Variants in SHROOM3 observed in about 807,000 individuals in gnomAD.
SHROOM3 encodes the protein protein Shroom3.
Under a neutral mutation model 138.6 loss-of-function variants are expected in SHROOM3, and 47 were observed. The observed-to-expected ratio is 0.34, with a 90% CI of 0.27 to 0.43. SHROOM3 has a LOEUF of 0.43. Among genes scored for constraint, SHROOM3 ranks in the 20% least tolerant of loss-of-function variants. The pLI, the probability that SHROOM3 is intolerant of heterozygous loss-of-function variation, is 1.00. For synonymous variants in SHROOM3, 1,062 were observed against 1,063.3 expected (o/e 1.00, Z 0.02); for missense variants, 2,491 against 2,596.5 (o/e 0.96, Z 0.88).
chr4:76,631,867 T>C lies in SHROOM3; in HGVS notation c.323+76104T>C, dbSNP rs113300123. Among the ~76,000 whole-genome samples the C allele has an allele frequency of 4.3e-3, 659 of 152,322 alleles. 4 individuals are homozygous for C. Among genetic ancestry groups the C allele is most frequent in the African/African-American group, 0.015 (626 of 41,572 alleles). On this transcript the variant is annotated intron_variant, in intron 2 of 10. Coordinates refer to ENST00000296043, the MANE Select transcript of SHROOM3 (RefSeq NM_020859.4). ...GAGAGGGAGACCAGTTATGAAATTA[T>C]TACACCAATCTAAGGAGATGGTGGT...
chr4:76,583,919 C>T (rs1215805081), intron 2 of SHROOM3, among the ~76,000 whole-genome samples: 1 of 152,130 alleles, frequency 6.6e-6, no homozygotes, highest in Non-Finnish European at 1.5e-5. Context: ...AAAAGGCATC[C>T]ATTCTTTGTA....
intron 2 of SHROOM3, among the ~76,000 whole-genome samples, chr4:76,583,524 G>A (rs930962685): frequency 3.9e-5 from 6 of 152,140 alleles, no homozygotes; most frequent in East Asian, 1.9e-4. Flanking sequence ...GAAAACTGAC[G>A]CTTGGAAAAG....
intron 2 of SHROOM3, among the ~76,000 whole-genome samples, chr4:76,601,590 C>G (rs548810102): frequency 6.6e-6 from 1 of 152,134 alleles, no homozygotes; most frequent in Non-Finnish European, 1.5e-5. Flanking sequence ...CTGCAACCTC[C>G]GCCTCCCAGG....
chr4:76,741,059 C>T lies in SHROOM3; in HGVS notation c.2886C>T (p.Ser962=), dbSNP rs1721234323. Residue 962 remains serine (S), a synonymous_variant, in exon 5 of 11, where the codon TCC becomes TCT. Transcript: ENST00000296043. This position sits in a 1 kb window ranked among gnomAD's most constrained non-coding sequence, Gnocchi z 6.2. ...CGAGGTCCTGGCGGCCACGGCCTTC[C>T]TCGGCCCACGTGGGGCTGCGGAGCC... The part of the protein sequence containing the change: ...VASRSWRPRP[S]SAHVGLRSPE... The T allele has an allele frequency of 2.7e-6, 4 of 1,506,460 alleles. No homozygotes were observed. Among genetic ancestry groups the T allele is most frequent in the Non-Finnish European group, 3.5e-6 (4 of 1,131,524 alleles). 93.3% of individuals were successfully genotyped at this position (1,506,460 alleles called of 1,614,324 possible).
intron 1 of SHROOM3, among the ~76,000 whole-genome samples, chr4:76,542,028 A>G (rs780073628): frequency 2.1e-5 from 2 of 93,044 alleles, no homozygotes; most frequent in Non-Finnish European, 4.3e-5. Context: ...ACCTCCCCCT[A>G]CAAACAATTG....
intron 2 of SHROOM3, among the ~76,000 whole-genome samples, chr4:76,691,953 G>T (rs1236241276): frequency 6.6e-6 from 1 of 152,150 alleles, no homozygotes; most frequent in African/African-American, 2.4e-5. Context: ...AGGATTTCAT[G>T]GGTTGCCGCT....
At chr4:76,499,112 T>G (rs1295130158) in intron 1 of SHROOM3, among the ~76,000 whole-genome samples, 1 of 152,160 alleles carries the variant, frequency 6.6e-6, no homozygotes, top group African/African-American at 2.4e-5. Context: ...ATGAAGAAAG[T>G]AACTAAAACT....
At chr4:76,690,642 A>G (rs1054264344) in intron 2 of SHROOM3, among the ~76,000 whole-genome samples, 1 of 152,228 alleles carries the variant, frequency 6.6e-6, no homozygotes, top group Admixed American at 6.5e-5. Context: ...CTTTCCCCCA[A>G]AAAATTTCAC....
At chr4:76,652,987 C>T (rs1052550272) in intron 2 of SHROOM3, among the ~76,000 whole-genome samples, 1 of 151,952 alleles carries the variant, frequency 6.6e-6, no homozygotes, top group African/African-American at 2.4e-5. Flanking sequence ...GAGGAGAGGG[C>T]CATGCATCAT....
chr4:76,651,867 T>C (rs1560580571), intron 2 of SHROOM3, among the ~76,000 whole-genome samples: 1 of 152,176 alleles, frequency 6.6e-6, no homozygotes, highest in Admixed American at 6.5e-5. Context: ...AATCGGGGTA[T>C]TGGCAAAGGA....
intron 2 of SHROOM3, among the ~76,000 whole-genome samples, chr4:76,630,011 T>A (rs189930324): frequency 2.0e-5 from 3 of 152,158 alleles, no homozygotes; most frequent in African/African-American, 7.2e-5. Flanking sequence ...TTGCAGCCAA[T>A]GACACAGGAC....
At position 76,754,953 on chromosome 4, in the gene SHROOM3, T is replaced by A. The variant is rs1463842832; in HGVS notation, c.4470T>A (p.Ser1490=). The A allele has an allele frequency of 6.2e-7, 1 of 1,614,060 alleles. No homozygotes were observed. Among genetic ancestry groups the A allele is most frequent in the Non-Finnish European group, 8.5e-7 (1 of 1,180,026 alleles). Residue 1490 remains serine (S), a synonymous_variant, in exon 7 of 11, where the codon TCT becomes TCA. Transcript: ENST00000296043. ...STPGRISLRI[S]ESVLRDSPPP... ...CAGGGAGGATCTCCCTCCGAATATC[T>A]GAGTCTGTCCTGCGGGACTCCCCGC...
At chr4:76,550,206 G>A (rs571792601) in intron 1 of SHROOM3, among the ~76,000 whole-genome samples, 45 of 152,260 alleles carry the variant, frequency 3.0e-4, no homozygotes, top group African/African-American at 9.1e-4. Context: ...TCTGGGAAAG[G>A]AGAGAACACC....
chr4:76,677,653 T>TA (rs1719078451), intron 2 of SHROOM3, among the ~76,000 whole-genome samples: 1 of 152,238 alleles, frequency 6.6e-6, no homozygotes, highest in African/African-American at 2.4e-5. Flanking sequence ...AAGAGCCTGC[T>TA]AGAATCTGCT....
Position 76,453,212 on chromosome 4 carries a change from G to C in SHROOM3, c.168+16992G>C, listed in dbSNP as rs527445669. On this transcript the variant is annotated intron_variant, in intron 1 of 10. Coordinates refer to ENST00000296043, the MANE Select transcript of SHROOM3 (RefSeq NM_020859.4). ...TACTTTCCCACCAGCAATGTGCAAGGGTTCTAATTTATACACATCCTTGCA... is the reference window on the plus strand; with the variant it reads ...TACTTTCCCACCAGCAATGTGCAAGCGTTCTAATTTATACACATCCTTGCA... Among the ~76,000 whole-genome samples the C allele has an allele frequency of 5.3e-5, 8 of 151,986 alleles. No individual in the cohort carries two copies. In the South Asian group the frequency reaches 1.7e-3, roughly 32 times the overall value.
At chr4:76,542,848 C>T (rs1007041611) in intron 1 of SHROOM3, among the ~76,000 whole-genome samples, 1 of 152,182 alleles carries the variant, frequency 6.6e-6, no homozygotes, top group South Asian at 2.1e-4. Context: ...GAAGTCTGGC[C>T]CTAGACCTTC....
intron 2 of SHROOM3, among the ~76,000 whole-genome samples, chr4:76,607,198 A>G (rs1408473643): frequency 6.6e-6 from 1 of 152,118 alleles, no homozygotes; most frequent in Non-Finnish European, 1.5e-5. Flanking sequence ...GTTTTATGGA[A>G]CTAAAGCTTG....
intron 2 of SHROOM3, among the ~76,000 whole-genome samples, chr4:76,640,602 C>A (rs1476542388): frequency 6.6e-6 from 1 of 152,170 alleles, no homozygotes; most frequent in East Asian, 1.9e-4. Context: ...CAGAATTTTG[C>A]CTCATAATAT....
chr4:76,749,223 G>T, intron 6 of SHROOM3, 133 bp downstream of exon 6: 1 of 820,648 alleles, frequency 1.2e-6, no homozygotes, highest in Non-Finnish European at 1.9e-6. Context: ...TCTAGGCCAT[G>T]GATAACTTTT....
Sources: gnomAD v4.1 joint callset for allele counts (sites outside exome capture counted in the v4.1 genomes callset) on GRCh38, gnomAD v4.1.1 for gene constraint, Gnocchi (gnomAD v3.1) non-coding constraint, MANE v1.5 for transcripts, NCBI Gene and HGNC (gene_info 2026-07-23, HGNC 2026-07-21) for gene names.